The following CACNA2D3 variants were observed in gnomAD, a reference collection of about 807,000 sequenced individuals.
The protein encoded by CACNA2D3 is voltage-dependent calcium channel subunit alpha-2/delta-3.
Under a neutral mutation model 160.6 loss-of-function variants are expected in CACNA2D3, and 60 were observed. That is an observed-to-expected ratio of 0.37 (90% confidence interval 0.30 to 0.46). CACNA2D3 has a LOEUF of 0.46. Among genes scored for constraint, CACNA2D3 ranks in the 20% least tolerant of loss-of-function variants. The probability of loss-of-function intolerance (pLI) is 1.00; values close to 1 mark genes in which losing one functional copy is unlikely to be tolerated. For synonymous variants in CACNA2D3, 558 were observed against 492.9 expected (o/e 1.13, Z -1.75); for missense variants, 1,205 against 1,365.0 (o/e 0.88, Z 1.85).
chr3:54,939,644 G>C (rs1318961070), intron 27 of CACNA2D3, among the ~76,000 whole-genome samples: 3 of 152,232 alleles, frequency 2.0e-5, no homozygotes, highest in Admixed American at 1.3e-4. Flanking sequence ...CCATCCCCCA[G>C]AACGGAGCTA....
At chr3:54,274,518 A>G (rs368468908) in intron 2 of CACNA2D3, among the ~76,000 whole-genome samples, 2 of 152,316 alleles carry the variant, frequency 1.3e-5, no homozygotes, top group Non-Finnish European at 2.9e-5. Context: ...TCATTGTATT[A>G]GTTATCTATT....
At chr3:54,911,349 G>GTTTTTTT (rs1700551309) in intron 27 of CACNA2D3, among the ~76,000 whole-genome samples, 8 of 18,006 alleles carry the variant, frequency 4.4e-4, no homozygotes, top group Admixed American at 2.3e-3. Flanking sequence ...CTTCTTTGTC[G>GTTTTTTT]TCTTTTTTTT....
At chr3:54,698,414 T>C (rs1211338238) in intron 11 of CACNA2D3, among the ~76,000 whole-genome samples, 2 of 152,234 alleles carry the variant, frequency 1.3e-5, no homozygotes, top group Non-Finnish European at 2.9e-5. Flanking sequence ...GTTGTCTGTT[T>C]TCATAAACTT....
At chr3:54,956,792 A>G (rs1264294940) in intron 27 of CACNA2D3, among the ~76,000 whole-genome samples, 1 of 152,216 alleles carries the variant, frequency 6.6e-6, no homozygotes, top group Non-Finnish European at 1.5e-5. Context: ...CAAATATTCT[A>G]GAGTGTTTAG....
chr3:54,527,363 C>A (rs908092157), intron 5 of CACNA2D3, among the ~76,000 whole-genome samples: 1 of 152,186 alleles, frequency 6.6e-6, no homozygotes, highest in Non-Finnish European at 1.5e-5. Context: ...TTTCTCCCAG[C>A]CTCCCCTGGG....
At chr3:54,961,262 C>G (rs932382030) in intron 27 of CACNA2D3, among the ~76,000 whole-genome samples, 2 of 152,110 alleles carry the variant, frequency 1.3e-5, no homozygotes, top group African/African-American at 4.8e-5. Context: ...GAGATATTAA[C>G]CAAGCCATGT....
intron 5 of CACNA2D3, among the ~76,000 whole-genome samples, chr3:54,530,636 A>G (rs1458900045): frequency 6.6e-6 from 1 of 152,146 alleles, no homozygotes; most frequent in Non-Finnish European, 1.5e-5. Context: ...AGTGCTTTAA[A>G]TATATTATCT....
intron 2 of CACNA2D3, among the ~76,000 whole-genome samples, chr3:54,239,071 T>C (rs1204039945): frequency 6.6e-6 from 1 of 152,240 alleles, no homozygotes; most frequent in Non-Finnish European, 1.5e-5. Context: ...TTATTTCATA[T>C]GTAAAAATAA....
At chr3:54,546,046 G>T (rs1311881538) in intron 5 of CACNA2D3, among the ~76,000 whole-genome samples, 1 of 152,162 alleles carries the variant, frequency 6.6e-6, no homozygotes, top group Middle Eastern at 3.2e-3. Flanking sequence ...CCCCTATTCT[G>T]CCTCGGTAGG....
intron 27 of CACNA2D3, chr3:54,918,321 CTT>C (rs60257399): frequency 3.8e-5 from 15 of 394,374 alleles, no homozygotes; most frequent in East Asian, 2.1e-4. Context: ...ACAGACACAT[CTT>C]TTTTTTTTCT....
intron 4 of CACNA2D3, among the ~76,000 whole-genome samples, chr3:54,455,247 C>G (rs1700376832): frequency 6.6e-6 from 1 of 152,110 alleles, no homozygotes; most frequent in Non-Finnish European, 1.5e-5. Context: ...TCTGCCTCCT[C>G]ACCAACATTT....
At chr3:54,425,856 T>C (rs1699904807) in intron 4 of CACNA2D3, among the ~76,000 whole-genome samples, 1 of 152,240 alleles carries the variant, frequency 6.6e-6, no homozygotes, top group Non-Finnish European at 1.5e-5. Flanking sequence ...TTTGGAGGTC[T>C]GGCTCAATGA....
intron 4 of CACNA2D3, among the ~76,000 whole-genome samples, chr3:54,409,337 T>A (rs1699628055): frequency 6.6e-6 from 1 of 152,196 alleles, no homozygotes; most frequent in African/African-American, 2.4e-5. Context: ...CACACCCATA[T>A]AAAATGACAA....
chr3:54,504,963 A>G (rs1701346332), intron 5 of CACNA2D3, among the ~76,000 whole-genome samples: 2 of 152,228 alleles, frequency 1.3e-5, no homozygotes, highest in African/African-American at 4.8e-5. Context: ...TTTATTGGAA[A>G]ATAACGTGAA....
intron 2 of CACNA2D3, among the ~76,000 whole-genome samples, chr3:54,155,668 T>A (rs963302036): frequency 5.9e-5 from 9 of 152,172 alleles, no homozygotes; most frequent in Non-Finnish European, 1.2e-4. Flanking sequence ...AGAGGAAAAC[T>A]CCCTCATGGT....
chr3:54,518,948 T>C (rs776335719), intron 5 of CACNA2D3, among the ~76,000 whole-genome samples: 22 of 37,932 alleles, frequency 5.8e-4, no homozygotes, highest in East Asian at 9.1e-4. Flanking sequence ...CCTTGAGAAA[T>C]TGAGGGGGGA....
rs1392565777 is a variant in CACNA2D3, at chr3:54,763,723, A to ATATGTGTATATATG, written c.1247-493_1247-492insTGTGTATATATGTA. On this transcript the variant is annotated intron_variant, in intron 12 of 37. Transcript: ENST00000474759. ...TATATATGTATATATATGTACATAT[A>ATATGTGTATATATG]TACATATATATGTGTATATATGTGC... Among the ~76,000 whole-genome samples, 66 of 120,446 alleles carry ATATGTGTATATATG rather than the reference A, an allele frequency of 5.5e-4. 6 individuals are homozygous for ATATGTGTATATATG. The East Asian group carries it at 0.013, about 23-fold the overall frequency. The allele number at this position is 120,446 out of a possible 152,430, so 79.0% of individuals were successfully genotyped here.
intron 14 of CACNA2D3, among the ~76,000 whole-genome samples, chr3:54,828,937 A>ATC (rs1703807018): frequency 1.3e-5 from 2 of 152,362 alleles, no homozygotes; most frequent in South Asian, 2.1e-4. Flanking sequence ...ATCAAGTGAA[A>ATC]AGCAAGAGGA....
chr3:54,868,038 T>C (rs1422059695), intron 17 of CACNA2D3, among the ~76,000 whole-genome samples: 7 of 152,180 alleles, frequency 4.6e-5, no homozygotes, highest in Non-Finnish European at 7.4e-5. Flanking sequence ...GGCCAAAGCA[T>C]GGGAACCTTC....
Sources: allele counts gnomAD v4.1 joint callset (sites outside exome capture counted in the v4.1 genomes callset), GRCh38; gene constraint gnomAD v4.1.1; transcripts MANE v1.5; gene names NCBI Gene and HGNC (gene_info 2026-07-23, HGNC 2026-07-21).